Variants in ACER3 observed in about 807,000 individuals in gnomAD.
ACER3 encodes alkCDase 3.
Under a neutral mutation model 48.9 loss-of-function variants are expected in ACER3, and 16 were observed. The observed-to-expected ratio is 0.33, with a 90% CI of 0.22 to 0.50. The LOEUF is 0.50. Among genes scored for constraint, ACER3 ranks in the 20% least tolerant of loss-of-function variants. The probability of loss-of-function intolerance (pLI) is 0.98; values close to 1 mark genes in which losing one functional copy is unlikely to be tolerated. For missense variants in ACER3, 227 were observed against 326.0 expected (o/e 0.70, Z 2.34); for synonymous variants, 109 against 107.8 (o/e 1.01, Z -0.07).
intron 1 of ACER3, among the ~76,000 whole-genome samples, chr11:76,879,825 T>C (rs1269005886): frequency 6.6e-6 from 1 of 152,182 alleles, no homozygotes; most frequent in Admixed American, 6.5e-5. Flanking sequence ...TTTGGCAGGA[T>C]TGATTTTTGC....
intron 7 of ACER3, chr11:77,011,374 T>C: frequency 4.1e-6 from 4 of 985,446 alleles, no homozygotes; most frequent in Non-Finnish European, 4.8e-6. Context: ...AGATTGGCCA[T>C]GGTAAGTAAG....
chr11:76,907,094 G>A (rs898226281), intron 1 of ACER3, among the ~76,000 whole-genome samples: 6 of 151,918 alleles, frequency 3.9e-5, no homozygotes, highest in Admixed American at 1.3e-4. Flanking sequence ...TTTTTTACAG[G>A]ATTGGATCAT....
rs542257640 is a variant in ACER3, at chr11:76,865,821, T to C, written c.103+4742T>C. ...ACCTTGCCCAGCATCTTTTTTTTTT[T>C]TTTTTTCTTTTTTGAGACGAAGTCT... On this transcript the variant is annotated intron_variant, in intron 1 of 10. Transcript: ENST00000532485. 1.8e-3 allele frequency among the ~76,000 whole-genome samples: 266 copies of C among 150,100 alleles called. 1 individual carries two copies. Among genetic ancestry groups the C allele is most frequent in the Non-Finnish European group, 3.3e-3 (220 of 67,478 alleles).
chr11:77,023,120 G>T lies in ACER3; in HGVS notation c.*2793G>T. On this transcript the variant is annotated 3_prime_UTR_variant, in exon 11 of 11. Coordinates refer to ENST00000532485, the MANE Select transcript of ACER3 (RefSeq NM_018367.7). The stretch of plus-strand genomic sequence containing the variant: ...ATGAAACATCCCCACCACCTGAAGT[G>T]ATCTTTTTAATCCTTGTGATAGTAA... 2.5e-6 allele frequency: 1 copy of T among 398,502 alleles called. No individual in the cohort carries two copies. Among genetic ancestry groups the T allele is most frequent in the Admixed American group, 4.4e-5 (1 of 22,724 alleles). The allele number at this position is 398,502 out of a possible 1,614,324, so 24.7% of individuals were successfully genotyped here.
intron 1 of ACER3, among the ~76,000 whole-genome samples, chr11:76,895,011 T>A (rs1002154850): frequency 8.5e-5 from 13 of 152,176 alleles, no homozygotes; most frequent in African/African-American, 3.1e-4. Flanking sequence ...TGGAGTGTTT[T>A]TTCCCCCAGT....
chr11:76,892,548 T>C (rs549227284), intron 1 of ACER3, among the ~76,000 whole-genome samples: 2 of 152,148 alleles, frequency 1.3e-5, no homozygotes, highest in Non-Finnish European at 2.9e-5. Context: ...TGGTTTTCTT[T>C]AAAGCAGTTT....
intron 2 of ACER3, among the ~76,000 whole-genome samples, chr11:76,941,801 A>G (rs1443507704): frequency 6.6e-6 from 1 of 152,006 alleles, no homozygotes; most frequent in Non-Finnish European, 1.5e-5. Flanking sequence ...ATGTTTTTCC[A>G]TTTGTTTGTG....
At position 77,020,383 on chromosome 11, in the gene ACER3, A is replaced by G. The variant is rs1016925287; in HGVS notation, c.*56A>G. ...ACCTACCATAGACCTGGCAGAATAA[A>G]TAAGGAAATCCTTAAAGATCTACAA... On this transcript the variant is annotated 3_prime_UTR_variant, in exon 11 of 11. Coordinates refer to ENST00000532485, the MANE Select transcript of ACER3 (RefSeq NM_018367.7). 9 of 1,570,604 alleles carry G rather than the reference A, an allele frequency of 5.7e-6. No homozygotes were observed. Among genetic ancestry groups the G allele is most frequent in the Admixed American group, 3.4e-5 (2 of 58,012 alleles).
chr11:76,951,710 A>G (rs10082568), intron 2 of ACER3, among the ~76,000 whole-genome samples: 86,855 of 152,104 alleles, frequency 0.57, 28,010 homozygotes, highest in Non-Finnish European at 0.74. Flanking sequence ...CCTAATAAGT[A>G]TTCTCTATAT....
At chr11:76,965,907 G>C (rs12804726) in intron 3 of ACER3, among the ~76,000 whole-genome samples, 18 of 151,276 alleles carry the variant, frequency 1.2e-4, no homozygotes, top group East Asian at 5.8e-4. Context: ...CAACTAACGA[G>C]CAAAATAACC....
chr11:77,005,996 T>TATATATATACATATATATATA (rs1272310391), intron 7 of ACER3, among the ~76,000 whole-genome samples: 4 of 88,888 alleles, frequency 4.5e-5, no homozygotes, highest in African/African-American at 1.4e-4. Flanking sequence ...TATATATTTT[T>TATATATATACATATATATATA]TTTTTTTTTT....
chr11:76,970,178 C>T (rs865949911), intron 3 of ACER3, among the ~76,000 whole-genome samples: 5 of 152,024 alleles, frequency 3.3e-5, no homozygotes, highest in Admixed American at 1.3e-4. Flanking sequence ...CGAGGCATGT[C>T]GGACCTCCTT....
At chr11:76,881,106 T>G (rs1945513314) in intron 1 of ACER3, among the ~76,000 whole-genome samples, 1 of 151,830 alleles carries the variant, frequency 6.6e-6, no homozygotes, top group African/African-American at 2.4e-5. Flanking sequence ...ATAAAAGAAA[T>G]TAGCCCCGCA....
chr11:77,014,219 AAAT>A (rs1555022800), intron 7 of ACER3, among the ~76,000 whole-genome samples: 1 of 152,250 alleles, frequency 6.6e-6, no homozygotes, highest in African/African-American at 2.4e-5. Context: ...AGTGAAGTAA[AAAT>A]AATAATACCT....
chr11:76,935,327 A>G (rs2134884446), intron 2 of ACER3, among the ~76,000 whole-genome samples: 1 of 152,320 alleles, frequency 6.6e-6, no homozygotes, highest in South Asian at 2.1e-4. Flanking sequence ...ATTATATTTA[A>G]AATTATAATT....
intron 2 of ACER3, among the ~76,000 whole-genome samples, chr11:76,948,539 A>T (rs1002242802): frequency 3.9e-5 from 6 of 152,136 alleles, no homozygotes; most frequent in African/African-American, 1.4e-4. Flanking sequence ...ACAGCCATGC[A>T]TGCCCTGGAA....
rs1555023403 is a variant in ACER3, at chr11:77,016,678, C to A, written c.603C>A (p.Asn201Lys). The change falls in exon 9 of 11, where the codon AAC (asparagine) becomes AAA (lysine). Residue 201 changes from asparagine to lysine, a missense_variant. By Grantham distance (94) the Asn-to-Lys change is moderately conservative. Coordinates refer to ENST00000532485, the MANE Select transcript of ACER3 (RefSeq NM_018367.7). ...IDNIFCESLR[N>K]FRKKVPPIIG... is the part of the protein sequence containing the mutation. ...TTTTCTCCCTCTCTCCACACAGGAA[C>A]TTTCGAAAGAAGGTACCACCTATCA... The A allele has an allele frequency of 5.8e-6, 9 of 1,557,342 alleles. No individual in the cohort carries two copies. The highest frequency in any genetic ancestry group is 7.9e-6 in the Non-Finnish European group (9 of 1,145,696).
chr11:76,941,081 A>G (rs1274325816), intron 2 of ACER3, among the ~76,000 whole-genome samples: 2 of 151,916 alleles, frequency 1.3e-5, no homozygotes, highest in African/African-American at 2.4e-5. Context: ...AGAGAAGGGG[A>G]GAAGAGAGAG....
chr11:76,998,648 AG>A (rs1204030137), intron 6 of ACER3, 114 bp from the exon 7 acceptor site: 4 of 666,130 alleles, frequency 6.0e-6, no homozygotes, highest in African/African-American at 5.8e-5. Flanking sequence ...TTTAAAATGT[AG>A]TGAAGGATAA....
Sources: gnomAD v4.1 joint callset for allele counts (sites outside exome capture counted in the v4.1 genomes callset) on GRCh38, gnomAD v4.1.1 for gene constraint, MANE v1.5 for transcripts, NCBI Gene and HGNC (gene_info 2026-07-23, HGNC 2026-07-21) for gene names.